TRRAP: variants seen among roughly 807,000 people sequenced by gnomAD.
TRRAP encodes transformation/transcription domain-associated protein.
TRRAP carries 41 observed loss-of-function variants against 438.8 expected under a neutral mutation model. That is an observed-to-expected ratio of 0.09 (90% confidence interval 0.07 to 0.12). The LOEUF (loss-of-function observed/expected upper bound fraction) is 0.12. TRRAP is among the 10% of genes least tolerant of loss of function. The probability of loss-of-function intolerance (pLI) is 1.00; values close to 1 mark genes in which losing one functional copy is unlikely to be tolerated. For synonymous variants in TRRAP, 1,994 were observed against 1,962.9 expected (o/e 1.02, Z -0.42); for missense variants, 3,122 against 5,055.1 (o/e 0.62, Z 11.60).
At chr7:98,980,041 A>C (rs1265465179) in intron 58 of TRRAP, among the ~76,000 whole-genome samples, 1 of 152,220 alleles carries the variant, frequency 6.6e-6, no homozygotes, top group Non-Finnish European at 1.5e-5. Context: ...GTTCGAGTCC[A>C]GACCCTGTGA....
intron 3 of TRRAP, among the ~76,000 whole-genome samples, chr7:98,886,534 A>T (rs1795724001): frequency 6.6e-6 from 1 of 152,176 alleles, no homozygotes; most frequent in Non-Finnish European, 1.5e-5. Flanking sequence ...ATCTAGAGAG[A>T]TAGTATATAG....
At position 98,937,239 on chromosome 7, in the gene TRRAP, A is replaced by C. The variant is rs1554414457; in HGVS notation, c.4195A>C (p.Ser1399Arg). 6.8e-6 allele frequency: 11 copies of C among 1,613,322 alleles called. No individual in the cohort carries two copies. Among genetic ancestry groups the C allele is most frequent in the Non-Finnish European group, 9.3e-6 (11 of 1,179,488 alleles). Reference sequence around the variant, plus strand: ...CTTCAAAGCCCTGAATTCCACCAATAGTGAGCTCCAAGAGGCCGGAGAAGC... The same window carrying C: ...CTTCAAAGCCCTGAATTCCACCAATCGTGAGCTCCAAGAGGCCGGAGAAGC... ...ALFKALNSTNSELQEAGEACM... is the reference protein window; with the variant it reads ...ALFKALNSTNRELQEAGEACM... Residue 1399 changes from serine (S) to arginine (R), a missense_variant, in exon 29 of 73, where the codon AGT becomes CGT. By Grantham distance (110) the Ser-to-Arg change is moderately radical. Around this residue, in one of 24 missense-constraint regions of TRRAP, gnomAD observed 84 missense variants for 119.8 expected, o/e 0.70. Coordinates refer to ENST00000456197, the MANE Select transcript of TRRAP (RefSeq NM_001375524.1).
chr7:98,903,805 A>G (rs1448668749), intron 12 of TRRAP, among the ~76,000 whole-genome samples: 2 of 152,200 alleles, frequency 1.3e-5, no homozygotes, highest in Non-Finnish European at 2.9e-5. Context: ...CAGTCATGGC[A>G]GAAGGCAAGG....
intron 3 of TRRAP, among the ~76,000 whole-genome samples, chr7:98,886,301 T>C (rs998593037): frequency 6.6e-6 from 1 of 150,602 alleles, no homozygotes; most frequent in African/African-American, 2.5e-5. Flanking sequence ...CTATCTATCA[T>C]AGATATAGAT....
chr7:98,967,806 C>A, intron 51 of TRRAP, 108 bp downstream of exon 51: 1 of 932,254 alleles, frequency 1.1e-6, no homozygotes. Flanking sequence ...TTGGAAATCT[C>A]CAGCACAAAC....
Position 99,011,338 on chromosome 7 carries a change from T to C in TRRAP, c.11143-3T>C. 6.2e-7 allele frequency: 1 copy of C among 1,613,742 alleles called. No homozygotes were observed. Among genetic ancestry groups the C allele is most frequent in the Non-Finnish European group, 8.5e-7 (1 of 1,179,634 alleles). ...TCCTAAAGTGTCTCCTTCTGAAATTTAGGACACTGGCAAACTGAATGTTGC... is the reference window on the plus strand; with the variant it reads ...TCCTAAAGTGTCTCCTTCTGAAATTCAGGACACTGGCAAACTGAATGTTGC... On this transcript the variant is annotated splice_region_variant and splice_polypyrimidine_tract_variant and intron_variant, in intron 71 of 72. Coordinates refer to ENST00000456197, the MANE Select transcript of TRRAP (RefSeq NM_001375524.1). The surrounding 1 kb of genome is among the most constrained non-coding windows in gnomAD (Gnocchi z 7.1).
rs558167903 is a variant in TRRAP at position 98,910,140 on chromosome 7, G to A, written c.1435G>A (p.Ala479Thr). The A allele has an allele frequency of 6.2e-7, 1 of 1,612,036 alleles. No individual in the cohort carries two copies. Among genetic ancestry groups the A allele is most frequent in the South Asian group, 1.1e-5 (1 of 90,688 alleles). ...GTGTAAGCCTCAGTCAGAACTTGGA[G>A]CCGTGGAAGCAGCTCTGCCTGGGGT... ...KKCKPQSELG[A>T]VEAALPGVPT... Residue 479 changes from alanine (A) to threonine (T), a missense_variant, in exon 15 of 73, where the codon GCC becomes ACC. Around this residue, in one of 24 missense-constraint regions of TRRAP, gnomAD observed 115 missense variants for 124.6 expected, o/e 0.92. Coordinates refer to ENST00000456197, the MANE Select transcript of TRRAP (RefSeq NM_001375524.1).
intron 62 of TRRAP, among the ~76,000 whole-genome samples, chr7:98,987,916 T>C (rs1295929998): frequency 6.6e-6 from 1 of 152,264 alleles, no homozygotes; most frequent in African/African-American, 2.4e-5. Flanking sequence ...TGGCTTTTTC[T>C]GTGTCCTCTG....
chr7:98,903,237 G>A (rs1796554247), intron 11 of TRRAP, 142 bp from the exon 12 acceptor site: 3 of 986,514 alleles, frequency 3.0e-6, no homozygotes, highest in Non-Finnish European at 4.5e-6. Flanking sequence ...GGCCAGGCTA[G>A]TCTTGATCTC....
chr7:98,899,475 C>T lies in TRRAP; in HGVS notation c.687C>T (p.Pro229=). 1.2e-6 allele frequency: 2 copies of T among 1,614,094 alleles called. No individual in the cohort carries two copies. The highest frequency in any genetic ancestry group is 1.7e-6 in the Non-Finnish European group (2 of 1,180,018). ...SLSLKVLAEL[P]IIVVLMYQLY... ...CTCTGAAAGTGTTGGCAGAATTGCC[C>T]ATTATTGTTGTTTTAATGTATCAGG... Residue 229 remains proline, a synonymous_variant, in exon 9 of 73, where the codon CCC becomes CCT. Transcript: ENST00000456197.
At chr7:98,881,745 G>C (rs1795447959) in intron 2 of TRRAP, 1 of 477,886 alleles carries the variant, frequency 2.1e-6, no homozygotes, top group African/African-American at 2.0e-5. Context: ...AGGCACGTGT[G>C]TGTGTTTGTG....
At chr7:98,907,696 C>A (rs1277587823) in intron 13 of TRRAP, among the ~76,000 whole-genome samples, 2 of 152,218 alleles carry the variant, frequency 1.3e-5, no homozygotes, top group East Asian at 1.9e-4. Flanking sequence ...ACCTGTTCTA[C>A]ATCTTGTGTT....
intron 21 of TRRAP, among the ~76,000 whole-genome samples, chr7:98,924,411 T>G (rs1789937484): frequency 1.3e-5 from 2 of 152,216 alleles, no homozygotes; most frequent in African/African-American, 4.8e-5. Flanking sequence ...AAAATATGCA[T>G]GAGACTGGTG....
rs75113049 is a variant in TRRAP at position 98,933,999 on chromosome 7, C to T, written c.4014+597C>T. On this transcript the variant is annotated intron_variant, in intron 27 of 72. Coordinates refer to ENST00000456197, the MANE Select transcript of TRRAP (RefSeq NM_001375524.1). ...ATTCCTAATCACTGCACTGTCCAGC[C>T]GAGTTCTTATTTTTTTTAGTGGACT... Among the ~76,000 whole-genome samples, 1,244 of 152,238 alleles carry T rather than the reference C, an allele frequency of 8.2e-3. 10 individuals are homozygous for T. Among genetic ancestry groups the T allele is most frequent in the African/African-American group, 0.026 (1,074 of 41,546 alleles).
intron 22 of TRRAP, among the ~76,000 whole-genome samples, chr7:98,926,908 A>G (rs1790074065): frequency 6.6e-6 from 1 of 152,066 alleles, no homozygotes; most frequent in African/African-American, 2.4e-5. Context: ...AATCCCAGCT[A>G]CTTGGGAGGC....
chr7:98,965,579 G>GA, intron 48 of TRRAP, 117 bp from the exon 49 acceptor site: 4 of 1,413,246 alleles, frequency 2.8e-6, no homozygotes, highest in Non-Finnish European at 2.0e-6. Context: ...CTAGTTGCAG[G>GA]AAAAAACATT....
At chr7:98,980,617 G>T (rs562226280) in intron 58 of TRRAP, among the ~76,000 whole-genome samples, 5 of 152,282 alleles carry the variant, frequency 3.3e-5, no homozygotes, top group African/African-American at 1.2e-4. Context: ...AAATCTGGGG[G>T]ACATTTTATA....
chr7:98,930,305 A>G, intron 24 of TRRAP, 99 bp downstream of exon 24: 2 of 1,412,636 alleles, frequency 1.4e-6, no homozygotes, highest in Non-Finnish European at 1.9e-6. Flanking sequence ...GGCCAGACGC[A>G]GTGGCTCACG....
At chr7:98,941,607 C>T (rs1554415625) in intron 30 of TRRAP, among the ~76,000 whole-genome samples, 1 of 152,146 alleles carries the variant, frequency 6.6e-6, no homozygotes. Flanking sequence ...TTCTGTTACT[C>T]TCATTTACAT....
Sources: allele counts gnomAD v4.1 joint callset (sites outside exome capture counted in the v4.1 genomes callset), GRCh38; gene constraint gnomAD v4.1.1; regional missense constraint gnomAD v4.1.1; non-coding constraint Gnocchi (gnomAD v3.1); transcripts MANE v1.5; gene names NCBI Gene and HGNC (gene_info 2026-07-23, HGNC 2026-07-21).